The following GAREM1 variants were observed in gnomAD, a reference collection of about 807,000 sequenced individuals.
The protein encoded by GAREM1 is GRB2 associated regulator of MAPK1 subtype 1, also known as GRB2-associated and regulator of MAPK protein 1.
GAREM1 carries 26 observed loss-of-function variants against 71.3 expected under a neutral mutation model. The ratio of observed to expected loss-of-function variants is 0.36; its 90% confidence interval spans 0.27 to 0.51. The LOEUF is 0.51. GAREM1 is among the 20% of genes least tolerant of loss of function. The pLI, the probability that GAREM1 is intolerant of heterozygous loss-of-function variation, is 0.95. For synonymous variants in GAREM1, 440 were observed against 433.2 expected, an observed-to-expected ratio of 1.02 and a Z score of -0.20; for missense variants, 1,026 against 1,103.1, an observed-to-expected ratio of 0.93 and a Z score of 0.99.
chr18:32,352,953 T>C (rs57613491), intron 2 of GAREM1, among the ~76,000 whole-genome samples: 13,228 of 152,130 alleles, frequency 0.087, 967 homozygotes, highest in African/African-American at 0.2. Context: ...AGACATAAAA[T>C]ATAAACAACA....
At chr18:32,273,509 C>T (rs961181021) in intron 4 of GAREM1, among the ~76,000 whole-genome samples, 3 of 152,130 alleles carry the variant, frequency 2.0e-5, no homozygotes, top group African/African-American at 7.2e-5. Flanking sequence ...CTAGGGACTC[C>T]TGAAGGGCTA....
chr18:32,280,232 T>C (rs186209349), intron 4 of GAREM1, among the ~76,000 whole-genome samples: 1 of 152,284 alleles, frequency 6.6e-6, no homozygotes, highest in African/African-American at 2.4e-5. Flanking sequence ...AAAATAAAAA[T>C]GCAGAGTACA....
intron 1 of GAREM1, among the ~76,000 whole-genome samples, chr18:32,418,788 T>C (rs1445198602): frequency 6.6e-6 from 1 of 152,112 alleles, no homozygotes; most frequent in African/African-American, 2.4e-5. Context: ...ATGGAAAACA[T>C]ATTGTAAGCT....
intron 1 of GAREM1, among the ~76,000 whole-genome samples, chr18:32,422,559 T>C (rs1195132436): frequency 6.6e-6 from 1 of 152,216 alleles, no homozygotes; most frequent in East Asian, 1.9e-4. Context: ...ACTGGCATTA[T>C]GCTGTCATTT....
At chr18:32,440,211 T>C (rs1202317057) in intron 1 of GAREM1, among the ~76,000 whole-genome samples, 3 of 152,318 alleles carry the variant, frequency 2.0e-5, no homozygotes, top group Non-Finnish European at 2.9e-5. Context: ...AGTCTTGACA[T>C]GGAAACTATC....
chr18:32,391,295 A>G (rs1475338037), intron 2 of GAREM1, among the ~76,000 whole-genome samples: 2 of 152,148 alleles, frequency 1.3e-5, no homozygotes, highest in Non-Finnish European at 1.5e-5. Context: ...TCGGAATAGA[A>G]AAGATCAGTT....
intron 1 of GAREM1, among the ~76,000 whole-genome samples, chr18:32,414,028 T>C (rs1320492879): frequency 6.6e-6 from 1 of 152,162 alleles, no homozygotes; most frequent in Admixed American, 6.5e-5. Context: ...AGGCAAGCTA[T>C]AGCCATGAGA....
intron 1 of GAREM1, among the ~76,000 whole-genome samples, chr18:32,418,463 T>C (rs2048486193): frequency 6.6e-6 from 1 of 152,084 alleles, no homozygotes; most frequent in African/African-American, 2.4e-5. Flanking sequence ...TTGCTACATA[T>C]GAAATGGGAA....
intron 1 of GAREM1, among the ~76,000 whole-genome samples, chr18:32,453,136 G>A (rs1021843672): frequency 3.3e-5 from 5 of 152,166 alleles, no homozygotes; most frequent in East Asian, 3.9e-4. Context: ...TTACGCGGCC[G>A]CAGGAAGAAT....
chr18:32,383,940 A>C (rs2048120452), intron 2 of GAREM1, among the ~76,000 whole-genome samples: 2 of 152,230 alleles, frequency 1.3e-5, no homozygotes, highest in East Asian at 3.8e-4. Context: ...TTAGAGCTTT[A>C]CTAGCATTTA....
chr18:32,281,301 T>G (rs1043952266), intron 4 of GAREM1, among the ~76,000 whole-genome samples: 1 of 128,020 alleles, frequency 7.8e-6, no homozygotes, highest in African/African-American at 4.1e-5. Flanking sequence ...GACTTCTCTA[T>G]AGTTAAATCA....
At chr18:32,440,512 T>G (rs1207679202) in intron 1 of GAREM1, among the ~76,000 whole-genome samples, 1 of 152,144 alleles carries the variant, frequency 6.6e-6, no homozygotes, top group Non-Finnish European at 1.5e-5. Flanking sequence ...TCATTAAAGG[T>G]GATGAAGTTA....
chr18:32,301,823 A>T (rs2047204728), intron 3 of GAREM1, among the ~76,000 whole-genome samples: 1 of 152,200 alleles, frequency 6.6e-6, no homozygotes, highest in African/African-American at 2.4e-5. Flanking sequence ...CCTATTTCAG[A>T]GAACTTTTGT....
intron 1 of GAREM1, among the ~76,000 whole-genome samples, chr18:32,399,619 A>C (rs962302348): frequency 5.9e-5 from 9 of 152,104 alleles, no homozygotes; most frequent in African/African-American, 1.9e-4. Context: ...TTAGAAGGGA[A>C]GTGAAGGACC....
intron 1 of GAREM1, among the ~76,000 whole-genome samples, chr18:32,417,908 CACTT>C (rs1222840170): frequency 6.6e-6 from 1 of 151,968 alleles, no homozygotes; most frequent in Admixed American, 6.6e-5. Context: ...AAAGGAGAAA[CACTT>C]GAGGAGATAC....
At chr18:32,338,641 G>C (rs1359228890) in intron 2 of GAREM1, among the ~76,000 whole-genome samples, 1 of 152,170 alleles carries the variant, frequency 6.6e-6, no homozygotes, top group Non-Finnish European at 1.5e-5. Context: ...AATTTTGGAT[G>C]TTTTGGACAC....
chr18:32,328,907 A>T (rs1332187327), intron 2 of GAREM1, among the ~76,000 whole-genome samples: 1 of 152,222 alleles, frequency 6.6e-6, no homozygotes, highest in Non-Finnish European at 1.5e-5. Context: ...AACGGAAAAG[A>T]GACTGATGAT....
rs201483484 is a variant in GAREM1 at position 32,355,975 on chromosome 18, CT to C, written c.262+36919del. ...ACATTTTTCAACCACATTCTATTGC[CT>C]AAATCAGGTCACGATTACCTCCTAA... On this transcript the variant is annotated intron_variant, in intron 2 of 5. Coordinates refer to ENST00000269209, the MANE Select transcript of GAREM1 (RefSeq NM_001242409.2). Among the ~76,000 whole-genome samples, 46 of 152,308 alleles carry C rather than the reference CT, an allele frequency of 3.0e-4. No individual in the cohort carries two copies. In the East Asian group the frequency reaches 6.7e-3, roughly 22 times the overall value.
At chr18:32,393,203 G>A (rs1479418423) in intron 1 of GAREM1, among the ~76,000 whole-genome samples, 168 bp from the exon 2 acceptor site, 1 of 149,460 alleles carries the variant, frequency 6.7e-6, no homozygotes, top group Admixed American at 6.7e-5. Flanking sequence ...TTTTAAAAAA[G>A]GGTATTCCAC....
Sources: allele counts gnomAD v4.1 joint callset (sites outside exome capture counted in the v4.1 genomes callset), GRCh38; gene constraint gnomAD v4.1.1; transcripts MANE v1.5; gene names NCBI Gene and HGNC (gene_info 2026-07-23, HGNC 2026-07-21).